CFAP91: variants seen among roughly 807,000 people sequenced by gnomAD.
CFAP91 encodes the protein cilia- and flagella-associated protein 91.
In CFAP91, 85 loss-of-function variants were observed where a neutral mutation model predicts 95.9. The ratio of observed to expected loss-of-function variants is 0.89; its 90% CI spans 0.74 to 1.06. The LOEUF (loss-of-function observed/expected upper bound fraction) is 1.06, where lower values mean the gene tolerates loss of function less well. CFAP91 is among the 50% of genes least tolerant of loss of function. The pLI is 0.00. For missense variants in CFAP91, 962 were observed against 943.4 expected, an observed-to-expected ratio of 1.02 and a Z score of -0.26; for synonymous variants, 335 against 327.5, an observed-to-expected ratio of 1.02 and a Z score of -0.25.
intron 7 of CFAP91, among the ~76,000 whole-genome samples, chr3:119,727,827 G>A (rs900992486): frequency 6.6e-6 from 1 of 152,158 alleles, no homozygotes; most frequent in Non-Finnish European, 1.5e-5. Context: ...GGGTTTTGAA[G>A]GGTAGGTAAG....
intron 10 of CFAP91, among the ~76,000 whole-genome samples, chr3:119,735,381 A>G (rs114090627): frequency 0.015 from 2,337 of 152,318 alleles, 43 homozygotes; most frequent in African/African-American, 0.039. Flanking sequence ...ATTTTAGGTT[A>G]AACATTTCCT....
chr3:119,722,668 A>T (rs2053709475), intron 6 of CFAP91, among the ~76,000 whole-genome samples: 1 of 151,568 alleles, frequency 6.6e-6, no homozygotes, highest in South Asian at 2.1e-4. Flanking sequence ...AAAAAAATAT[A>T]TTTTTTTGTG....
chr3:119,765,926 T>G lies in CFAP91; in HGVS notation c.*876T>G, dbSNP rs2054619086. 6.6e-6 allele frequency: 1 copy of G among 152,178 alleles called. No individual in the cohort carries two copies. The highest frequency in any genetic ancestry group is 1.5e-5 in the Non-Finnish European group (1 of 68,028). 9.4% of individuals were successfully genotyped at this position (152,178 alleles called of 1,614,324 possible). The stretch of plus-strand genomic sequence containing the variant: ...AAATTGCAGAAACATTTGCTGAGTG[T>G]TTTTAATAGGAGTCAAAAAGAAAGG... On this transcript the variant is annotated 3_prime_UTR_variant, in exon 18 of 18. Coordinates refer to ENST00000273390, the MANE Select transcript of CFAP91 (RefSeq NM_033364.4).
intron 6 of CFAP91, among the ~76,000 whole-genome samples, chr3:119,723,395 A>G (rs2053722867): frequency 6.6e-6 from 1 of 152,244 alleles, no homozygotes; most frequent in Admixed American, 6.5e-5. Flanking sequence ...CACATATGGT[A>G]CAATGAGACC....
rs755383742 is a variant in CFAP91, at chr3:119,747,886, C to A, written c.2127C>A (p.Tyr709Ter). 6.2e-6 allele frequency: 10 copies of A among 1,612,414 alleles called. No individual in the cohort carries two copies. In the East Asian group the frequency reaches 1.3e-4, roughly 22 times the overall value. ...TTCTGATCCCAGAGGTGCAAAAATA[C>A]TTTGTCAAAGAAAAAGGTAAGCCAA... is the stretch of plus-strand genomic sequence containing the variant. ...YSFLIPEVQK[Y>*]FVKEKVRNAQ... The change falls in exon 16 of 18, where the codon TAC (tyrosine) becomes TAA (stop). Residue 709 changes from tyrosine (Y) to a stop codon, truncating the protein, a stop_gained. Transcript: ENST00000273390. LOFTEE classifies it high-confidence loss of function.
chr3:119,740,349 C>T (rs1022151531), intron 12 of CFAP91, among the ~76,000 whole-genome samples, 200 bp from the exon 13 acceptor site: 3 of 152,206 alleles, frequency 2.0e-5, no homozygotes, highest in East Asian at 1.9e-4. Context: ...AAACTAAGCC[C>T]ATTTTCTGCC....
intron 14 of CFAP91, among the ~76,000 whole-genome samples, chr3:119,746,701 GT>G (rs1288307451): frequency 6.6e-6 from 1 of 152,134 alleles, no homozygotes; most frequent in Non-Finnish European, 1.5e-5. Context: ...AAATCCAGGG[GT>G]TCTATTATGT....
At chr3:119,759,995 A>C (rs2054506633) in intron 17 of CFAP91, among the ~76,000 whole-genome samples, 1 of 151,944 alleles carries the variant, frequency 6.6e-6, no homozygotes, top group East Asian at 1.9e-4. Context: ...CAACCATAAA[A>C]CAATGAACCA....
chr3:119,753,498 T>C (rs1258766651), intron 17 of CFAP91, among the ~76,000 whole-genome samples: 2 of 152,212 alleles, frequency 1.3e-5, no homozygotes, highest in African/African-American at 4.8e-5. Context: ...AAATTCTCTT[T>C]ACAGAAAGTT....
At chr3:119,710,591 T>C (rs2053455200) in intron 5 of CFAP91, among the ~76,000 whole-genome samples, 1 of 152,236 alleles carries the variant, frequency 6.6e-6, no homozygotes. Context: ...ATTGTAGCAG[T>C]TGTAGTTTAA....
Position 119,703,454 on chromosome 3 carries a change from C to T in CFAP91, c.124+232C>T, listed in dbSNP as rs148959589. ...CGAAAGGCGCGGGTGCGCTCCGCTT[C>T]GGGGGGCGATTTTCCTGAAACCTGT... is the stretch of plus-strand genomic sequence containing the variant. On this transcript the variant is annotated intron_variant, in intron 1 of 17. Coordinates refer to ENST00000273390, the MANE Select transcript of CFAP91 (RefSeq NM_033364.4). Among the ~76,000 whole-genome samples, 987 of 152,318 alleles carry T rather than the reference C, an allele frequency of 6.5e-3. 13 individuals carry two copies. The highest frequency in any genetic ancestry group is 0.023 in the African/African-American group (962 of 41,580).
chr3:119,734,563 G>A (rs1382185139), intron 10 of CFAP91, among the ~76,000 whole-genome samples: 1 of 151,862 alleles, frequency 6.6e-6, no homozygotes, highest in African/African-American at 2.4e-5. Context: ...TTTAATTATT[G>A]TAGTAACATT....
intron 11 of CFAP91, 25 bp from the exon 12 acceptor site, chr3:119,739,230 C>T (rs1559761604): frequency 3.1e-6 from 5 of 1,604,996 alleles, no homozygotes; most frequent in Non-Finnish European, 4.3e-6. Context: ...TCTCAAGCTG[C>T]TTGGTTCTCC....
intron 6 of CFAP91, among the ~76,000 whole-genome samples, chr3:119,725,532 T>C (rs1163450768): frequency 6.6e-6 from 1 of 152,190 alleles, no homozygotes; most frequent in Non-Finnish European, 1.5e-5. Context: ...GGCGGAAGAA[T>C]TGCTTGAAAC....
chr3:119,762,258 ATACT>A (rs60688814), intron 17 of CFAP91, among the ~76,000 whole-genome samples: 53,588 of 151,418 alleles, frequency 0.35, 12,442 homozygotes, highest in African/African-American at 0.67. Context: ...AAAAAATAAA[ATACT>A]TACTTAGGAG....
At chr3:119,723,246 A>G (rs956841300) in intron 6 of CFAP91, among the ~76,000 whole-genome samples, 2 of 152,200 alleles carry the variant, frequency 1.3e-5, no homozygotes, top group African/African-American at 2.4e-5. Flanking sequence ...GAGAGGAACC[A>G]TTAGGGGATC....
intron 6 of CFAP91, among the ~76,000 whole-genome samples, chr3:119,720,802 A>G (rs1012044515): frequency 5.9e-5 from 9 of 152,234 alleles, no homozygotes; most frequent in Admixed American, 1.3e-4. Flanking sequence ...GTAAAATGGC[A>G]TAGCATTTGC....
rs1358489698 is a variant in CFAP91, at chr3:119,747,277, G to A, written c.2051+14G>A. The A allele has an allele frequency of 2.5e-6, 4 of 1,607,848 alleles. No homozygotes were observed. The highest frequency in any genetic ancestry group is 3.4e-6 in the Non-Finnish European group (4 of 1,177,690). ...AATGGAAAGCCGGTGTGTATCAAGA[G>A]AACAGATTGTAGAATGGACAGCCCA... On this transcript the variant is annotated intron_variant, in intron 15 of 17. Transcript: ENST00000273390.
At chr3:119,709,302 A>G (rs1377580188) in intron 4 of CFAP91, among the ~76,000 whole-genome samples, 1 of 152,208 alleles carries the variant, frequency 6.6e-6, no homozygotes, top group African/African-American at 2.4e-5. Flanking sequence ...TCTAATCCAC[A>G]TTATTATTTA....
Sources: gnomAD v4.1 joint callset for allele counts (sites outside exome capture counted in the v4.1 genomes callset) on GRCh38, gnomAD v4.1.1 for gene constraint, MANE v1.5 for transcripts, NCBI Gene and HGNC (gene_info 2026-07-23, HGNC 2026-07-21) for gene names.